The following MBD5 variants were observed in gnomAD, a reference collection of about 807,000 sequenced individuals.
MBD5 encodes methyl-CpG-binding domain protein 5.
In MBD5, 13 loss-of-function variants were observed where a neutral mutation model predicts 117.3. The observed-to-expected ratio is 0.11, with a 90% CI of 0.07 to 0.18. MBD5 has a LOEUF of 0.18. Among genes scored for constraint, MBD5 ranks in the 10% least tolerant of loss-of-function variants. MBD5 has a pLI of 1.00. For synonymous variants in MBD5, 727 were observed against 766.4 expected, an observed-to-expected ratio of 0.95 and a Z score of 0.85; for missense variants, 1,879 against 2,093.8, an observed-to-expected ratio of 0.90 and a Z score of 2.00.
chr2:148,150,175 C>A (rs1697608518), intron 1 of MBD5, among the ~76,000 whole-genome samples: 1 of 143,792 alleles, frequency 7.0e-6, no homozygotes. Flanking sequence ...CCAGTTTTCC[C>A]AGCACCATTT....
intron 1 of MBD5, among the ~76,000 whole-genome samples, chr2:148,084,263 A>C (rs1050793604): frequency 4.6e-5 from 7 of 152,202 alleles, no homozygotes; most frequent in Non-Finnish European, 1.0e-4. Flanking sequence ...TGACATGTCT[A>C]GTTAGAAGAT....
intron 4 of MBD5, among the ~76,000 whole-genome samples, chr2:148,344,976 G>T (rs78884656): frequency 0.02 from 2,999 of 151,770 alleles, 110 homozygotes; most frequent in African/African-American, 0.069. Context: ...TATAACCTAA[G>T]GAAAGACTTA....
At chr2:148,384,989 G>C (rs1704299953) in intron 4 of MBD5, among the ~76,000 whole-genome samples, 1 of 152,164 alleles carries the variant, frequency 6.6e-6, no homozygotes, top group South Asian at 2.1e-4. Flanking sequence ...TTACATGTTA[G>C]ACCTAAAACC....
chr2:148,435,982 G>A (rs902596442), intron 4 of MBD5, among the ~76,000 whole-genome samples: 1 of 152,218 alleles, frequency 6.6e-6, no homozygotes, highest in African/African-American at 2.4e-5. Context: ...TGTTCTTCAA[G>A]TAAACGAAGG....
At chr2:148,194,586 A>C in intron 2 of MBD5, among the ~76,000 whole-genome samples, 1 of 103,022 alleles carries the variant, frequency 9.7e-6, no homozygotes, top group African/African-American at 3.1e-5. Flanking sequence ...CAGGAAGCGG[A>C]ATATCACACT....
intron 3 of MBD5, among the ~76,000 whole-genome samples, chr2:148,338,375 T>C (rs747376873): frequency 1.2e-4 from 19 of 152,202 alleles, no homozygotes; most frequent in Non-Finnish European, 2.2e-4. Context: ...CTTATGTGTC[T>C]GTCATGTTGT....
intron 1 of MBD5, among the ~76,000 whole-genome samples, chr2:148,130,205 C>T (rs1043142829): frequency 6.6e-6 from 1 of 152,148 alleles, no homozygotes; most frequent in African/African-American, 2.4e-5. Flanking sequence ...AATGTTAATA[C>T]AAATTTTAAT....
intron 1 of MBD5, among the ~76,000 whole-genome samples, chr2:148,098,526 G>C (rs558329612): frequency 1.7e-4 from 26 of 152,206 alleles, no homozygotes; most frequent in African/African-American, 5.5e-4. Context: ...GAGAGAAGAG[G>C]GTGTATGACG....
intron 1 of MBD5, among the ~76,000 whole-genome samples, chr2:148,102,738 AG>A (rs1696261206): frequency 2.1e-5 from 1 of 48,144 alleles, no homozygotes; most frequent in Admixed American, 2.6e-4. Context: ...ACAGAGAGAG[AG>A]AGAGAGAGAG....
At chr2:148,467,750 TACTCTC>T (rs1420251135) in intron 7 of MBD5, among the ~76,000 whole-genome samples, 1 of 152,184 alleles carries the variant, frequency 6.6e-6, no homozygotes, top group African/African-American at 2.4e-5. Flanking sequence ...AATCAAGTCT[TACTCTC>T]ATAGTGAAAA....
intron 2 of MBD5, among the ~76,000 whole-genome samples, chr2:148,224,685 G>A (rs1248779025): frequency 6.6e-6 from 1 of 151,726 alleles, no homozygotes. Context: ...GTGTATTGGG[G>A]CCTATCTCTA....
intron 3 of MBD5, among the ~76,000 whole-genome samples, chr2:148,266,069 A>G (rs1223415343): frequency 6.6e-6 from 1 of 152,212 alleles, no homozygotes; most frequent in African/African-American, 2.4e-5. Context: ...TAATATCTAA[A>G]TCAGGCAAAG....
At chr2:148,056,653 T>C (rs962648369) in intron 1 of MBD5, among the ~76,000 whole-genome samples, 6 of 152,102 alleles carry the variant, frequency 3.9e-5, no homozygotes, top group African/African-American at 1.2e-4. Context: ...TGTCATGTTA[T>C]CTTTTTTATA....
intron 3 of MBD5, among the ~76,000 whole-genome samples, chr2:148,340,717 G>C (rs1033305975): frequency 6.6e-6 from 1 of 151,842 alleles, no homozygotes; most frequent in Non-Finnish European, 1.5e-5. Context: ...TACCTCATAG[G>C]ATTGAAGTGA....
At chr2:148,094,052 G>A (rs1473734311) in intron 1 of MBD5, among the ~76,000 whole-genome samples, 1 of 152,104 alleles carries the variant, frequency 6.6e-6, no homozygotes, top group Admixed American at 6.5e-5. Context: ...GAAGAGACAT[G>A]CCCATGATCA....
chr2:148,201,522 C>G (rs1355296805), intron 2 of MBD5, among the ~76,000 whole-genome samples: 1 of 152,202 alleles, frequency 6.6e-6, no homozygotes, highest in African/African-American at 2.4e-5. Context: ...CCAGGGCTGC[C>G]TTGGCCTTGC....
chr2:148,214,798 G>A (rs2106029918), intron 2 of MBD5, among the ~76,000 whole-genome samples: 1 of 152,308 alleles, frequency 6.6e-6, no homozygotes, highest in South Asian at 2.1e-4. Context: ...GTGAAAACCA[G>A]GCTATATTCC....
intron 4 of MBD5, among the ~76,000 whole-genome samples, chr2:148,387,807 A>G (rs1704423286): frequency 1.3e-5 from 2 of 152,128 alleles, no homozygotes; most frequent in African/African-American, 4.8e-5. Flanking sequence ...TGAAAATAAC[A>G]AAAATGTGTG....
intron 1 of MBD5, among the ~76,000 whole-genome samples, chr2:148,167,199 G>A (rs748947439): frequency 2.6e-5 from 4 of 151,990 alleles, no homozygotes; most frequent in Admixed American, 6.5e-5. Context: ...TCTTTATGCC[G>A]ATTAAAATGG....
Sources: gnomAD v4.1 joint callset for allele counts (sites outside exome capture counted in the v4.1 genomes callset) on GRCh38, gnomAD v4.1.1 for gene constraint, MANE v1.5 for transcripts, NCBI Gene and HGNC (gene_info 2026-07-23, HGNC 2026-07-21) for gene names.